Variants in MYL6 observed in about 807,000 individuals in gnomAD.
MYL6 encodes the protein myosin light chain 6.
MYL6 carries 20 observed loss-of-function variants against 20.3 expected under a neutral mutation model. The observed-to-expected ratio is 0.98, with a 90% CI of 0.69 to 1.43. MYL6 has a LOEUF of 1.43. Among genes scored for constraint, MYL6 ranks in the 40% most tolerant of loss-of-function variants. The pLI is 0.00. For synonymous variants in MYL6, 77 were observed against 72.4 expected (o/e 1.06, Z -0.32); for missense variants, 164 against 191.0 (o/e 0.86, Z 0.83).
In MYL6 at chr12:56,161,518, T is replaced by C. The variant is rs1565885028; in HGVS notation, c.*148T>C. ...TCTTGTCTCAGCAACTTTCCCATCT[T>C]GTCTCTCTTGGATGATGTTTGCCGT... On this transcript the variant is annotated 3_prime_UTR_variant, in exon 7 of 7. Coordinates refer to ENST00000550697, the MANE Select transcript of MYL6 (RefSeq NM_021019.5). 7.2e-7 allele frequency: 1 copy of C among 1,385,854 alleles called. No individual in the cohort carries two copies. Among genetic ancestry groups the C allele is most frequent in the Non-Finnish European group, 1.0e-6 (1 of 975,946 alleles). 85.8% of individuals were successfully genotyped at this position (1,385,854 alleles called of 1,614,324 possible).
chr12:56,159,056 CTT>C lies in MYL6; in HGVS notation c.31+346_31+347del, dbSNP rs901035309. ...CAGCTACTTCTGCCTCTTTTCTCCT[CTT>C]GTGATAACTGTCCCCGCCCTCCCAG... On this transcript the variant is annotated intron_variant, in intron 2 of 6. Transcript: ENST00000550697. The C allele has an allele frequency of 5.7e-5, 39 of 686,270 alleles. No homozygotes were observed. The African/African-American group carries it at 6.1e-4, about 11-fold the overall frequency. The allele number at this position is 686,270 out of a possible 1,614,324, so 42.5% of individuals were successfully genotyped here.
At chr12:56,158,956 T>TG (rs899429464) in intron 2 of MYL6, 7 of 1,400,500 alleles carry the variant, frequency 5.0e-6, no homozygotes, top group African/African-American at 1.5e-5. Context: ...TGAAAAAACT[T>TG]GGTCACTTAA....
In MYL6 at chr12:56,158,379, T is replaced by A. The variant is rs760040236; in HGVS notation, c.-23T>A. 1 of 1,518,966 alleles carries A rather than the reference T, an allele frequency of 6.6e-7. No individual in the cohort carries two copies. Among genetic ancestry groups the A allele is most frequent in the Non-Finnish European group, 8.8e-7 (1 of 1,136,780 alleles). The allele number at this position is 1,518,966 out of a possible 1,614,324, so 94.1% of individuals were successfully genotyped here. On this transcript the variant is annotated 5_prime_UTR_variant, in exon 1 of 7. Transcript: ENST00000550697. The stretch of plus-strand genomic sequence containing the variant: ...TCGGAGCCATTACTGCAGGAAAAGG[T>A]CCCGGAGAGCTGAGCAGTCAAGATG...
At position 56,160,641 on chromosome 12, in the gene MYL6, T is replaced by G. The variant is rs767980073; in HGVS notation, c.443T>G (p.Ile148Ser). 2.5e-6 allele frequency: 4 copies of G among 1,614,166 alleles called. No individual in the cohort carries two copies. Among genetic ancestry groups the G allele is most frequent in the Admixed American group, 3.3e-5 (2 of 60,022 alleles). ...CINYEAFVRHILSG is the reference protein window; with the variant it reads ...CINYEAFVRHSLSG ...CTTCCTGCAGCGTTTGTGAGGCATA[T>G]CCTGTCGGGGTGACGGGCCCATGGG... is the stretch of plus-strand genomic sequence containing the variant. Residue 148 changes from isoleucine to serine, a missense_variant, in exon 6 of 7, where the codon ATC becomes AGC. By Grantham distance (142) the Ile-to-Ser change is moderately radical (BLOSUM62 -2). Coordinates refer to ENST00000550697, the MANE Select transcript of MYL6 (RefSeq NM_021019.5).
In MYL6 at chr12:56,161,476, A is replaced by C; in HGVS notation, c.*106A>C. 1 of 1,586,732 alleles carries C rather than the reference A, an allele frequency of 6.3e-7. No homozygotes were observed. ...CCTGTGTGAATTTTGTATCTAGCCT[A>C]AAGTTTCCCTAGGCTTTCTTGTCTC... On this transcript the variant is annotated 3_prime_UTR_variant, in exon 7 of 7. Transcript: ENST00000550697.
At chr12:56,158,479 A>C in intron 1 of MYL6, 75 bp downstream of exon 1, 1 of 1,568,640 alleles carries the variant, frequency 6.4e-7, no homozygotes, top group Non-Finnish European at 8.6e-7. Context: ...GGCGAGGAGA[A>C]GGCAGGGGTA....
chr12:56,159,751 C>G, intron 3 of MYL6, 21 bp downstream of exon 3: 1 of 1,611,456 alleles, frequency 6.2e-7, no homozygotes, highest in Non-Finnish European at 8.5e-7. Flanking sequence ...TAAAGAACAA[C>G]TCCTCAGTGT....
At chr12:56,160,366 C>T (rs1565883955) in intron 5 of MYL6, 46 bp downstream of exon 5, 4 of 1,609,130 alleles carry the variant, frequency 2.5e-6, no homozygotes, top group Middle Eastern at 1.7e-4. Flanking sequence ...CCATATGGGG[C>T]AGGTCAAGTA....
intron 6 of MYL6, chr12:56,160,874 G>A (rs1871770392): frequency 3.2e-6 from 2 of 615,664 alleles, no homozygotes; most frequent in African/African-American, 3.7e-5. Context: ...CTCTAGAATG[G>A]GCCCTGAGGT....
Position 56,160,162 on chromosome 12 carries a change from T to C in MYL6, c.349+14T>C. ...TTGTCACACTGGGTAAGGTTCTGTG[T>C]CCTTGTCCTTGAGCTGAGATGGCAC... On this transcript the variant is annotated intron_variant, in intron 4 of 6. Transcript: ENST00000550697. 1 of 1,613,854 alleles carries C rather than the reference T, an allele frequency of 6.2e-7. No individual in the cohort carries two copies. The highest frequency in any genetic ancestry group is 2.2e-5 in the East Asian group (1 of 44,862).
At chr12:56,158,760 C>T in intron 2 of MYL6, 49 bp downstream of exon 2, 1 of 1,610,684 alleles carries the variant, frequency 6.2e-7, no homozygotes, top group Non-Finnish European at 8.5e-7. Flanking sequence ...GAGAGGGACA[C>T]CCTCCCCCCA....
At chr12:56,161,301 A>T (rs1026951576) in intron 6 of MYL6, 86 bp from the exon 7 acceptor site, 13 of 1,527,422 alleles carry the variant, frequency 8.5e-6, no homozygotes, top group Non-Finnish European at 1.1e-5. Flanking sequence ...CGCTTATGCT[A>T]CCTTTGCAGT....
rs763911609 is a variant in MYL6, at chr12:56,161,371, C to T, written c.*17-16C>T. ...CAGCCCTGTTCCCTGGCTCATCCCA[C>T]CTTTCCTTTCCACAGAGCTCGTCCG... On this transcript the variant is annotated splice_polypyrimidine_tract_variant and intron_variant, in intron 6 of 6. Transcript: ENST00000550697. The T allele has an allele frequency of 1.2e-6, 2 of 1,614,136 alleles. No homozygotes were observed. The highest frequency in any genetic ancestry group is 1.3e-5 in the African/African-American group (1 of 75,052).
At position 56,161,139 on chromosome 12, in the gene MYL6, A is replaced by G. The variant is rs1871816573; in HGVS notation, c.*17-248A>G. The G allele has an allele frequency of 6.6e-6, 4 of 601,742 alleles. No homozygotes were observed. In the Admixed American group the frequency reaches 1.2e-4, roughly 17 times the overall value. The allele number at this position is 601,742 out of a possible 1,614,324, so 37.3% of individuals were successfully genotyped here. On this transcript the variant is annotated intron_variant, in intron 6 of 6. Coordinates refer to ENST00000550697, the MANE Select transcript of MYL6 (RefSeq NM_021019.5). ...GACAGTAGCTGTAGGTGTAGTGGAG[A>G]ACTTTTCTGCCTCTGCTGTGTTCTT...
chr12:56,159,373 T>A lies in MYL6; in HGVS notation c.32-214T>A, dbSNP rs1592260231. Reference sequence around the variant, plus strand: ...CAGGCAGAGGGGTTGTGTAAATGGATGTTACCAGGCTGCCAGAAGGGGAGG... The same window carrying A: ...CAGGCAGAGGGGTTGTGTAAATGGAAGTTACCAGGCTGCCAGAAGGGGAGG... On this transcript the variant is annotated intron_variant, in intron 2 of 6. Coordinates refer to ENST00000550697, the MANE Select transcript of MYL6 (RefSeq NM_021019.5). The A allele has an allele frequency of 3.0e-5, 17 of 566,058 alleles. No individual in the cohort carries two copies. In the South Asian group the frequency reaches 4.5e-4, roughly 15 times the overall value. The allele number at this position is 566,058 out of a possible 1,614,324, so 35.1% of individuals were successfully genotyped here. A position where few individuals can be genotyped will look rare whatever the true frequency, so the allele number is the denominator to read the frequency against.
At chr12:56,159,195 T>G in intron 2 of MYL6, 1 of 277,362 alleles carries the variant, frequency 3.6e-6, no homozygotes, top group Non-Finnish European at 6.8e-6. Context: ...GAAGTTCTCT[T>G]TATACTGGAG....
In MYL6 at chr12:56,158,975, G is replaced by A. The variant is rs1170491618; in HGVS notation, c.31+264G>A. ...AAAACTTGGTCACTTAATGCCTGCTGTGTGTGGGGTCTCGGGAGGGTGTAT... is the reference window on the plus strand; with the variant it reads ...AAAACTTGGTCACTTAATGCCTGCTATGTGTGGGGTCTCGGGAGGGTGTAT... On this transcript the variant is annotated intron_variant, in intron 2 of 6. Transcript: ENST00000550697. 3 of 1,374,612 alleles carry A rather than the reference G, an allele frequency of 2.2e-6. No homozygotes were observed. The African/African-American group carries it at 4.4e-5, about 20-fold the overall frequency. The allele number at this position is 1,374,612 out of a possible 1,614,324, so 85.2% of individuals were successfully genotyped here.
At chr12:56,160,771 ACTT>A in intron 6 of MYL6, 101 bp downstream of exon 6, 1 of 1,316,196 alleles carries the variant, frequency 7.6e-7, no homozygotes, top group Non-Finnish European at 1.1e-6. Context: ...CTACCATCTG[ACTT>A]CCTCCTGGCA....
chr12:56,159,500 T>C, intron 2 of MYL6, 87 bp from the exon 3 acceptor site: 1 of 1,530,846 alleles, frequency 6.5e-7, no homozygotes, highest in Non-Finnish European at 8.9e-7. Context: ...TTCCTCAGCA[T>C]GATCAAAGTT....
Sources: gnomAD v4.1 joint callset for allele counts on GRCh38, gnomAD v4.1.1 for gene constraint, MANE v1.5 for transcripts, NCBI Gene and HGNC (gene_info 2026-07-23, HGNC 2026-07-21) for gene names.